Variants in CNTN4 observed in about 807,000 individuals in gnomAD.
The protein encoded by CNTN4 is contactin 4, also known as contactin-4.
CNTN4 carries 77 observed loss-of-function variants against 122.5 expected under a neutral mutation model. That is an observed-to-expected ratio of 0.63 (90% confidence interval 0.52 to 0.76). The LOEUF (loss-of-function observed/expected upper bound fraction) is 0.76. Ranked by LOEUF, CNTN4 falls within the 30% of genes least tolerant of loss-of-function variation. The pLI is 0.00. For synonymous variants in CNTN4, 512 were observed against 447.0 expected (o/e 1.15, Z -1.83); for missense variants, 1,256 against 1,259.1 (o/e 1.00, Z 0.04).
At chr3:2,120,384 T>A (rs1168124140) in intron 2 of CNTN4, among the ~76,000 whole-genome samples, 21 of 29,878 alleles carry the variant, frequency 7.0e-4, no homozygotes, top group African/African-American at 2.0e-3. Context: ...AATATATATA[T>A]ATATATATAT....
At position 2,677,193 on chromosome 3, in the gene CNTN4, ATCTC is replaced by A. The variant is rs1302275414; in HGVS notation, c.56-59016_56-59013del. Among the ~76,000 whole-genome samples the A allele has an allele frequency of 4.6e-4, 68 of 148,992 alleles. 1 individual carries two copies. The highest frequency in any genetic ancestry group is 3.6e-3 in the Middle Eastern group (1 of 280). On this transcript the variant is annotated intron_variant, in intron 4 of 24. Coordinates refer to ENST00000418658, the MANE Select transcript of CNTN4 (RefSeq NM_175607.3). ...GATAGATGTGTATATATATAGATAT[ATCTC>A]TCTCTATATATGTATATATATATCT...
At chr3:2,581,689 A>T (rs2079946241) in intron 4 of CNTN4, among the ~76,000 whole-genome samples, 1 of 152,234 alleles carries the variant, frequency 6.6e-6, no homozygotes, top group African/African-American at 2.4e-5. Flanking sequence ...AAACAGAAGT[A>T]ATTTGCACAC....
chr3:2,829,313 C>G (rs540543008), intron 7 of CNTN4, among the ~76,000 whole-genome samples: 2 of 152,294 alleles, frequency 1.3e-5, no homozygotes, highest in South Asian at 4.1e-4. Flanking sequence ...TGATCAGGGA[C>G]TACTTGTGAT....
At chr3:2,549,463 G>GTTTT (rs891923707) in intron 3 of CNTN4, among the ~76,000 whole-genome samples, 2 of 152,134 alleles carry the variant, frequency 1.3e-5, no homozygotes, top group African/African-American at 4.8e-5. Flanking sequence ...TAATCAGGTG[G>GTTTT]TTTTTGTCTT....
chr3:2,340,290 T>C (rs2044134002), intron 3 of CNTN4, among the ~76,000 whole-genome samples: 1 of 151,850 alleles, frequency 6.6e-6, no homozygotes, highest in Non-Finnish European at 1.5e-5. Context: ...TAACATGGAG[T>C]GGAGGAAGGT....
intron 3 of CNTN4, among the ~76,000 whole-genome samples, chr3:2,505,527 T>C (rs1254169296): frequency 6.6e-6 from 1 of 152,210 alleles, no homozygotes; most frequent in Non-Finnish European, 1.5e-5. Context: ...ATTTGCTTTA[T>C]TTTTATACCA....
At chr3:2,948,546 A>C (rs528084496) in intron 13 of CNTN4, among the ~76,000 whole-genome samples, 16 of 152,156 alleles carry the variant, frequency 1.1e-4, no homozygotes, top group Non-Finnish European at 2.1e-4. Flanking sequence ...ACAATCCTGT[A>C]TCCATATCTT....
chr3:2,348,895 C>A (rs546991557), intron 3 of CNTN4, among the ~76,000 whole-genome samples: 13 of 152,126 alleles, frequency 8.5e-5, no homozygotes, highest in Non-Finnish European at 1.3e-4. Context: ...ATTAAACTTT[C>A]TTGGGCTCAA....
In CNTN4 at chr3:2,887,096, C is replaced by T. The variant is rs370397075; in HGVS notation, c.812C>T (p.Ala271Val). The change falls in exon 10 of 25, where the codon GCC becomes GTC. Residue 271 changes from alanine to valine, a missense_variant. Physicochemically the swap from Ala to Val is moderately conservative, Grantham distance 64. Transcript: ENST00000418658. ...GATGGAAAGCCAATAGCAAGGAAAG[C>T]CAGAAGACACAAGTCAAATGGAATT... The part of the protein sequence containing the change: ...RADGKPIARK[A>V]RRHKSNGILE... 3 of 1,614,038 alleles carry T rather than the reference C, an allele frequency of 1.9e-6. No individual in the cohort carries two copies. The Admixed American group carries it at 5.0e-5, about 27-fold the overall frequency.
chr3:2,272,167 G>C (rs1241519471), intron 2 of CNTN4, among the ~76,000 whole-genome samples: 1 of 151,516 alleles, frequency 6.6e-6, no homozygotes, highest in African/African-American at 2.4e-5. Context: ...AAAATTACAA[G>C]TTTTTTTTCT....
intron 2 of CNTN4, among the ~76,000 whole-genome samples, chr3:2,249,371 T>C (rs111582744): frequency 8.5e-5 from 13 of 152,080 alleles, no homozygotes; most frequent in African/African-American, 3.1e-4. Flanking sequence ...ATTAAAATAA[T>C]CTTCCGACCT....
At chr3:2,108,346 T>C (rs773279547) in intron 2 of CNTN4, among the ~76,000 whole-genome samples, 8 of 152,150 alleles carry the variant, frequency 5.3e-5, no homozygotes, top group Non-Finnish European at 7.4e-5. Flanking sequence ...CATACTCTCA[T>C]TGTACTTGTT....
chr3:2,374,200 G>C (rs1037963689), intron 3 of CNTN4, among the ~76,000 whole-genome samples: 1 of 152,150 alleles, frequency 6.6e-6, no homozygotes, highest in East Asian at 1.9e-4. Context: ...TCTGTCCATA[G>C]ATTGTGGAAT....
At chr3:2,660,701 G>T (rs1423508514) in intron 4 of CNTN4, among the ~76,000 whole-genome samples, 1 of 152,226 alleles carries the variant, frequency 6.6e-6, no homozygotes, top group African/African-American at 2.4e-5. Context: ...CACCAGAGGT[G>T]ATAATCTAGA....
intron 6 of CNTN4, among the ~76,000 whole-genome samples, chr3:2,816,340 C>A (rs71613525): frequency 1.8e-4 from 26 of 147,148 alleles, no homozygotes; most frequent in Non-Finnish European, 3.4e-4. Flanking sequence ...GGCGACAGAG[C>A]GAGACTCCAT....
chr3:2,979,186 C>T (rs1266962473), intron 13 of CNTN4, among the ~76,000 whole-genome samples: 2 of 152,092 alleles, frequency 1.3e-5, no homozygotes, highest in Non-Finnish European at 2.9e-5. Flanking sequence ...AGGCAGTCAC[C>T]TGGTAGGAGG....
At chr3:2,845,920 C>G (rs2093448375) in intron 7 of CNTN4, among the ~76,000 whole-genome samples, 8 of 152,170 alleles carry the variant, frequency 5.3e-5, no homozygotes, top group Admixed American at 5.2e-4. Context: ...CTAAAGGCAG[C>G]TGAGCTAATC....
chr3:2,601,476 G>T (rs948463001), intron 4 of CNTN4, among the ~76,000 whole-genome samples: 6 of 152,092 alleles, frequency 3.9e-5, no homozygotes, highest in Non-Finnish European at 8.8e-5. Flanking sequence ...CTCATTCCTT[G>T]TTTTTGTCAG....
chr3:2,339,377 A>G (rs971110262), intron 3 of CNTN4, 144 bp downstream of exon 3: 6 of 152,154 alleles, frequency 3.9e-5, no homozygotes, highest in African/African-American at 1.2e-4. Context: ...GTTGAAATTA[A>G]TGAAAGTAGT....
Sources: allele counts gnomAD v4.1 joint callset (sites outside exome capture counted in the v4.1 genomes callset), GRCh38; gene constraint gnomAD v4.1.1; transcripts MANE v1.5; gene names NCBI Gene and HGNC (gene_info 2026-07-23, HGNC 2026-07-21).